NTNG2: variants seen among roughly 807,000 people sequenced by gnomAD.
NTNG2 encodes the protein netrin-G2.
A neutral mutation model predicts 47.6 loss-of-function variants in NTNG2; 15 were observed. That is an observed-to-expected ratio of 0.32 (90% CI 0.21 to 0.49). The LOEUF is 0.49. NTNG2 is among the 20% of genes least tolerant of loss of function. The pLI, the probability that NTNG2 is intolerant of heterozygous loss-of-function variation, is 0.99. For missense variants in NTNG2, 578 were observed against 764.6 expected (o/e 0.76, Z 2.88); for synonymous variants, 307 against 324.6 (o/e 0.95, Z 0.58).
At chr9:132,187,695 T>C (rs1284856336) in intron 2 of NTNG2, among the ~76,000 whole-genome samples, 1 of 152,028 alleles carries the variant, frequency 6.6e-6, no homozygotes, top group African/African-American at 2.4e-5. Context: ...GAATCTCCGT[T>C]TCCGCTTTGT....
intron 2 of NTNG2, among the ~76,000 whole-genome samples, chr9:132,174,354 C>T (rs1420506063): frequency 1.4e-5 from 2 of 140,326 alleles, no homozygotes; most frequent in South Asian, 4.8e-4. Flanking sequence ...AACCATGCTG[C>T]AGATTAGACG....
At chr9:132,177,266 C>T (rs368159500) in intron 2 of NTNG2, among the ~76,000 whole-genome samples, 2 of 152,250 alleles carry the variant, frequency 1.3e-5, no homozygotes, top group East Asian at 1.9e-4. Flanking sequence ...GGACCACAGG[C>T]GTGAGCCACC....
chr9:132,225,656 G>A (rs78901528), intron 3 of NTNG2, among the ~76,000 whole-genome samples: 4,878 of 152,160 alleles, frequency 0.032, 123 homozygotes, highest in Non-Finnish European at 0.044. Flanking sequence ...TCTAATATAG[G>A]CAATGTCCAA....
intron 2 of NTNG2, among the ~76,000 whole-genome samples, chr9:132,188,040 A>G (rs923139617): frequency 1.3e-5 from 2 of 152,206 alleles, no homozygotes; most frequent in African/African-American, 4.8e-5. Flanking sequence ...CAGGGCACCT[A>G]TTGATTTATG....
chr9:132,172,135 T>A (rs1266173575), intron 2 of NTNG2, among the ~76,000 whole-genome samples: 2 of 152,210 alleles, frequency 1.3e-5, no homozygotes, highest in Non-Finnish European at 2.9e-5. Flanking sequence ...TGGCCCGTGC[T>A]GTCTCCTCCA....
intron 2 of NTNG2, among the ~76,000 whole-genome samples, chr9:132,193,471 T>G (rs1342748735): frequency 6.6e-6 from 1 of 151,988 alleles, no homozygotes; most frequent in Non-Finnish European, 1.5e-5. Context: ...GGACAGACAG[T>G]GGCCAAAGGA....
intron 3 of NTNG2, among the ~76,000 whole-genome samples, chr9:132,203,980 G>A (rs566612842): frequency 3.3e-5 from 5 of 152,334 alleles, no homozygotes; most frequent in African/African-American, 9.6e-5. Context: ...AGATGATGAA[G>A]GGAGGTCCTT....
In NTNG2 at chr9:132,218,271, C is replaced by G. The variant is rs1014276327; in HGVS notation, c.858-8578C>G. Among the ~76,000 whole-genome samples, 30 of 152,190 alleles carry G rather than the reference C, an allele frequency of 2.0e-4. No individual in the cohort carries two copies. Among genetic ancestry groups the G allele is most frequent in the Non-Finnish European group, 4.3e-4 (29 of 68,040 alleles). Reference sequence around the variant, plus strand: ...GTCTGCCCCTTACCAGCTGTGGAACCTCAGGCAGCTCACTTCACCACCCCA... The same window carrying G: ...GTCTGCCCCTTACCAGCTGTGGAACGTCAGGCAGCTCACTTCACCACCCCA... On this transcript the variant is annotated intron_variant, in intron 3 of 7. Transcript: ENST00000393229. The surrounding 1 kb of genome is among the most constrained non-coding windows in gnomAD (Gnocchi z 5.4).
chr9:132,187,656 G>A (rs1837509711), intron 2 of NTNG2, among the ~76,000 whole-genome samples: 1 of 152,100 alleles, frequency 6.6e-6, no homozygotes, highest in Non-Finnish European at 1.5e-5. Flanking sequence ...GACCGTCAGG[G>A]CCGCTAGAAT....
rs1164918304 is a variant in NTNG2 at position 132,215,294 on chromosome 9, G to T, written c.858-11555G>T. On this transcript the variant is annotated intron_variant, in intron 3 of 7. Transcript: ENST00000393229. The surrounding 1 kb of genome is among the most constrained non-coding windows in gnomAD (Gnocchi z 4.2). ...GTGGGGAAATGACTCCAAGAGGCCA[G>T]TGGGGGCCAGGCATGGTGGCTTATA... Among the ~76,000 whole-genome samples, 1 of 152,190 alleles carries T rather than the reference G, an allele frequency of 6.6e-6. No individual in the cohort carries two copies. The highest frequency in any genetic ancestry group is 1.9e-4 in the East Asian group (1 of 5,196).
At position 132,163,306 on chromosome 9, in the gene NTNG2, G is replaced by T. The variant is rs1218150122; in HGVS notation, c.-484+1067G>T. On this transcript the variant is annotated intron_variant, in intron 1 of 7. Transcript: ENST00000393229. The surrounding 1 kb of genome is among the most constrained non-coding windows in gnomAD (Gnocchi z 7.2). Reference sequence around the variant, plus strand: ...CTCGACCCCGCCCGCGGCCCGCCGGGACCCACCCGGGAGCTGCTGCTCGCG... The same window carrying T: ...CTCGACCCCGCCCGCGGCCCGCCGGTACCCACCCGGGAGCTGCTGCTCGCG... 6.6e-6 allele frequency among the ~76,000 whole-genome samples: 1 copy of T among 151,520 alleles called. No individual in the cohort carries two copies.
intron 3 of NTNG2, among the ~76,000 whole-genome samples, chr9:132,205,602 T>C (rs112636911): frequency 0.012 from 1,878 of 152,270 alleles, 32 homozygotes; most frequent in East Asian, 0.07. Flanking sequence ...GTAAGGTGGC[T>C]GGGCGCGGTG....
intron 4 of NTNG2, among the ~76,000 whole-genome samples, chr9:132,229,626 C>T (rs1589536911): frequency 6.6e-6 from 1 of 152,320 alleles, no homozygotes; most frequent in East Asian, 1.9e-4. Context: ...GGCTGCACCC[C>T]GAGGTGTCCT....
At position 132,166,778 on chromosome 9, in the gene NTNG2, C is replaced by T; in HGVS notation, c.-54C>T. 7 of 1,565,178 alleles carry T rather than the reference C, an allele frequency of 4.5e-6. No individual in the cohort carries two copies. Among genetic ancestry groups the T allele is most frequent in the East Asian group, 2.2e-5 (1 of 44,604 alleles). On this transcript the variant is annotated 5_prime_UTR_variant, in exon 2 of 8. Transcript: ENST00000393229. ...TGAGGCCGCGAGTCCCGCCTGACCC[C>T]GTCGCTGCCTCTCCAGGGCTTCTCT... is the stretch of plus-strand genomic sequence containing the variant.
intron 2 of NTNG2, among the ~76,000 whole-genome samples, chr9:132,172,887 G>A (rs546307623): frequency 3.9e-5 from 6 of 152,004 alleles, no homozygotes; most frequent in African/African-American, 1.2e-4. Context: ...CTGCCACCAC[G>A]CCAGGCTAAT....
intron 2 of NTNG2, among the ~76,000 whole-genome samples, chr9:132,172,309 A>T (rs1414616639): frequency 6.6e-6 from 1 of 152,162 alleles, no homozygotes; most frequent in Non-Finnish European, 1.5e-5. Context: ...TTTGGTCATC[A>T]TCCTGCTTAC....
chr9:132,205,065 G>A (rs1839065654), intron 3 of NTNG2, among the ~76,000 whole-genome samples: 2 of 152,190 alleles, frequency 1.3e-5, no homozygotes, highest in African/African-American at 4.8e-5. Context: ...ACAGTATGGT[G>A]GCTCCTGAAC....
intron 7 of NTNG2, 78 bp downstream of exon 7, chr9:132,241,122 G>T (rs1195146460): frequency 6.8e-7 from 1 of 1,464,054 alleles, no homozygotes; most frequent in Admixed American, 2.3e-5. Flanking sequence ...GCGGGGCCTA[G>T]TGGGACGGGG....
chr9:132,206,859 G>A (rs1839205588), intron 3 of NTNG2, among the ~76,000 whole-genome samples: 1 of 152,266 alleles, frequency 6.6e-6, no homozygotes, highest in South Asian at 2.1e-4. Context: ...AAGTGCCGGT[G>A]TTGGGAAGGG....
Sources: allele counts gnomAD v4.1 joint callset (sites outside exome capture counted in the v4.1 genomes callset), GRCh38; gene constraint gnomAD v4.1.1; non-coding constraint Gnocchi (gnomAD v3.1); transcripts MANE v1.5; gene names NCBI Gene and HGNC (gene_info 2026-07-23, HGNC 2026-07-21).